Variants in CD58 observed in about 807,000 individuals in gnomAD.
CD58 encodes the protein lymphocyte function-associated antigen 3.
CD58 carries 14 observed loss-of-function variants against 27.6 expected under a neutral mutation model. The ratio of observed to expected loss-of-function variants is 0.51; its 90% CI spans 0.34 to 0.79. The LOEUF (loss-of-function observed/expected upper bound fraction) is 0.79, where lower values mean the gene tolerates loss of function less well. Among genes scored for constraint, CD58 ranks in the 30% least tolerant of loss-of-function variants. The probability of loss-of-function intolerance (pLI) is 0.02; values close to 1 mark genes in which losing one functional copy is unlikely to be tolerated. For missense variants in CD58, 268 were observed against 301.7 expected (o/e 0.89, Z 0.83); for synonymous variants, 117 against 103.8 (o/e 1.13, Z -0.77).
intron 1 of CD58, among the ~76,000 whole-genome samples, chr1:116,567,461 C>A (rs1408956279): frequency 6.6e-6 from 1 of 151,892 alleles, no homozygotes; most frequent in African/African-American, 2.4e-5. Context: ...CATAGGGAAA[C>A]CCTGTTTCTA....
intron 1 of CD58, among the ~76,000 whole-genome samples, chr1:116,544,846 A>C (rs1291646102): frequency 2.0e-5 from 3 of 152,200 alleles, no homozygotes; most frequent in Non-Finnish European, 4.4e-5. Context: ...TGGGCTGGGA[A>C]TATGGGGTTG....
chr1:116,561,335 G>T (rs772412696), intron 1 of CD58, among the ~76,000 whole-genome samples: 5 of 152,312 alleles, frequency 3.3e-5, no homozygotes, highest in Admixed American at 6.5e-5. Context: ...GACAAGTGGG[G>T]AAATCTGAAT....
intron 1 of CD58, among the ~76,000 whole-genome samples, chr1:116,545,022 G>A (rs17035979): frequency 0.015 from 2,263 of 152,304 alleles, 70 homozygotes; most frequent in African/African-American, 0.051. Flanking sequence ...AGGCCGCAGG[G>A]CTGGGTAGGT....
intron 5 of CD58, 127 bp from the exon 6 acceptor site, chr1:116,514,949 G>A: frequency 1.6e-6 from 1 of 623,822 alleles, no homozygotes; most frequent in Non-Finnish European, 2.8e-6. Context: ...AAAGCCAAGG[G>A]AGCTAGGGAG....
At chr1:116,518,870 C>T (rs978707221) in intron 5 of CD58, 6 of 1,117,122 alleles carry the variant, frequency 5.4e-6, no homozygotes, top group African/African-American at 1.6e-5. Context: ...AACAGTATAA[C>T]TCTTGGAGTC....
chr1:116,549,583 T>TA (rs201928005), intron 1 of CD58, among the ~76,000 whole-genome samples: 2,125 of 152,264 alleles, frequency 0.014, 30 homozygotes, highest in South Asian at 0.045. Flanking sequence ...ACTCTTTCTT[T>TA]AAAAAATGTA....
chr1:116,568,825 A>G (rs971102489), intron 1 of CD58, among the ~76,000 whole-genome samples: 39 of 152,344 alleles, frequency 2.6e-4, no homozygotes, highest in African/African-American at 9.1e-4. Flanking sequence ...TCAGGTGAGG[A>G]GTGGGGCCAG....
intron 1 of CD58, among the ~76,000 whole-genome samples, chr1:116,549,716 A>T (rs928725125): frequency 1.3e-5 from 2 of 152,208 alleles, no homozygotes; most frequent in African/African-American, 4.8e-5. Context: ...ACCCCATAAC[A>T]ATCTCCAGTT....
rs557829873 is a variant in CD58, at chr1:116,522,064, G to A, written c.629-81C>T. 19 of 712,806 alleles carry A rather than the reference G, an allele frequency of 2.7e-5. No homozygotes were observed. Among genetic ancestry groups the A allele is most frequent in the South Asian group, 1.3e-4 (7 of 54,068 alleles). 44.2% of individuals were successfully genotyped at this position (712,806 alleles called of 1,614,324 possible). A position where few individuals can be genotyped will look rare whatever the true frequency, so the allele number is the denominator to read the frequency against. ...TCATTATTTGCAGATTCCACCTTGCGGTTTGCTTATTTACTGAAATTTATT... is the reference window on the plus strand; with the variant it reads ...TCATTATTTGCAGATTCCACCTTGCAGTTTGCTTATTTACTGAAATTTATT... On this transcript the variant is annotated intron_variant, in intron 3 of 5. Coordinates refer to ENST00000369489, the MANE Select transcript of CD58 (RefSeq NM_001779.3). This position sits in a 1 kb window ranked among gnomAD's most constrained non-coding sequence, Gnocchi z 4.6.
chr1:116,570,765 A>C lies in CD58; in HGVS notation c.70+138T>G. On this transcript the variant is annotated intron_variant, in intron 1 of 5. Coordinates refer to ENST00000369489, the MANE Select transcript of CD58 (RefSeq NM_001779.3). The surrounding 1 kb of genome is among the most constrained non-coding windows in gnomAD (Gnocchi z 6.4). ...CTTCCTGAAAAGGCTCCCACGGCTG[A>C]GTTGTTCCCGGCCCACAGCGACCCG... 1 of 612,000 alleles carries C rather than the reference A, an allele frequency of 1.6e-6. No individual in the cohort carries two copies. The highest frequency in any genetic ancestry group is 2.8e-6 in the Non-Finnish European group (1 of 359,106). The allele number at this position is 612,000 out of a possible 1,614,324, so 37.9% of individuals were successfully genotyped here. A position where few individuals can be genotyped will look rare whatever the true frequency, so the allele number is the denominator to read the frequency against.
intron 1 of CD58, among the ~76,000 whole-genome samples, chr1:116,560,468 C>A (rs1173685340): frequency 6.6e-6 from 1 of 152,200 alleles, no homozygotes. Flanking sequence ...ATACTCAGTT[C>A]ATCGTTGGGA....
intron 1 of CD58, among the ~76,000 whole-genome samples, chr1:116,547,703 T>C (rs1265553290): frequency 2.6e-5 from 4 of 152,208 alleles, no homozygotes; most frequent in Admixed American, 2.0e-4. Context: ...CATTGATTGA[T>C]GGGCATTTAT....
intron 3 of CD58, among the ~76,000 whole-genome samples, chr1:116,530,115 C>A (rs1291367034): frequency 1.3e-5 from 2 of 152,006 alleles, no homozygotes; most frequent in Non-Finnish European, 2.9e-5. Flanking sequence ...TACAAAAACA[C>A]TCTGGAATTC....
At chr1:116,560,722 C>A (rs140833521) in intron 1 of CD58, among the ~76,000 whole-genome samples, 81 of 152,208 alleles carry the variant, frequency 5.3e-4, no homozygotes, top group African/African-American at 1.6e-3. Context: ...ATAAAGTAAC[C>A]AAAAAGCATT....
intron 1 of CD58, among the ~76,000 whole-genome samples, chr1:116,545,142 C>A (rs559916711): frequency 1.3e-5 from 2 of 152,136 alleles, no homozygotes; most frequent in Non-Finnish European, 2.9e-5. Flanking sequence ...AGGATACACA[C>A]GTGATTCCTA....
In CD58 at chr1:116,570,653, T is replaced by C. The variant is rs1659110863; in HGVS notation, c.70+250A>G. 6.6e-6 allele frequency among the ~76,000 whole-genome samples: 1 copy of C among 151,962 alleles called. No individual in the cohort carries two copies. The highest frequency in any genetic ancestry group is 2.1e-4 in the South Asian group (1 of 4,824). On this transcript the variant is annotated intron_variant, in intron 1 of 5. Coordinates refer to ENST00000369489, the MANE Select transcript of CD58 (RefSeq NM_001779.3). The surrounding 1 kb of genome is among the most constrained non-coding windows in gnomAD (Gnocchi z 6.4). ...GGGGCGCAGGCCCCGCAGGAGAGGC[T>C]AGCGGGCCGGAGCCCGTCCTTCCCT... is the stretch of plus-strand genomic sequence containing the variant.
In CD58 at chr1:116,557,426, A is replaced by G. The variant is rs1658600647; in HGVS notation, c.71-12822T>C. Among the ~76,000 whole-genome samples, 1 of 151,930 alleles carries G rather than the reference A, an allele frequency of 6.6e-6. No homozygotes were observed. Among genetic ancestry groups the G allele is most frequent in the Non-Finnish European group, 1.5e-5 (1 of 68,002 alleles). ...AGGACCTGCGGGCTCCACCTTCCCA[A>G]CTCCACAGCTGTCCCTTTTGAGATG... On this transcript the variant is annotated intron_variant, in intron 1 of 5. Transcript: ENST00000369489. This position sits in a 1 kb window ranked among gnomAD's most constrained non-coding sequence, Gnocchi z 5.2.
intron 3 of CD58, among the ~76,000 whole-genome samples, chr1:116,529,087 C>T (rs1657515010): frequency 6.6e-6 from 1 of 152,128 alleles, no homozygotes; most frequent in South Asian, 2.1e-4. Flanking sequence ...ATTATTATCC[C>T]CCACATTCAC....
chr1:116,521,501 A>C lies in CD58; in HGVS notation c.706+405T>G, dbSNP rs1049016453. 6.6e-6 allele frequency among the ~76,000 whole-genome samples: 1 copy of C among 152,204 alleles called. No homozygotes were observed. Among genetic ancestry groups the C allele is most frequent in the African/African-American group, 2.4e-5 (1 of 41,454 alleles). On this transcript the variant is annotated intron_variant, in intron 4 of 5. Transcript: ENST00000369489. This position sits in a 1 kb window ranked among gnomAD's most constrained non-coding sequence, Gnocchi z 5.6. ...TGTATTACGTAAGTCACTTAACTCA[A>C]CCAAAACTCCCTTCCTACCTGGGAG...
Sources: allele counts gnomAD v4.1 joint callset (sites outside exome capture counted in the v4.1 genomes callset), GRCh38; gene constraint gnomAD v4.1.1; non-coding constraint Gnocchi (gnomAD v3.1); transcripts MANE v1.5; gene names NCBI Gene and HGNC (gene_info 2026-07-23, HGNC 2026-07-21).